The following PERM1 variants were observed in gnomAD, a reference collection of about 807,000 sequenced individuals.
PERM1 encodes PPARGC1 and ESRR induced regulator, muscle 1.
A neutral mutation model predicts 44.1 loss-of-function variants in PERM1; 45 were observed. The observed-to-expected ratio is 1.02, with a 90% confidence interval of 0.80 to 1.31. PERM1 has a LOEUF of 1.31. Among genes scored for constraint, PERM1 ranks in the 50% most tolerant of loss-of-function variants. The probability of loss-of-function intolerance (pLI) is 0.00; values close to 1 mark genes in which losing one functional copy is unlikely to be tolerated. For missense variants in PERM1, 1,189 were observed against 1,106.9 expected (o/e 1.07, Z -1.05); for synonymous variants, 565 against 477.1 (o/e 1.18, Z -2.40).
exon 1 of PERM1, chr1:979,864 G>T (rs1288295656): frequency 6.5e-7 from 1 of 1,549,094 alleles, no homozygotes; most frequent in Non-Finnish European, 8.7e-7. Context: ...CTTGGAGATG[G>T]GTGTAGACAG....
At chr1:976,225 G>A (rs1274958543) in exon 3 of PERM1, 35 of 1,538,388 alleles carry the variant, frequency 2.3e-5, no homozygotes, top group Non-Finnish European at 2.8e-5. Context: ...ACCTGCCGGC[G>A]GAAGTAGCGG....
Position 980,499 on chromosome 1 carries a change from T to A in PERM1, c.531A>T (p.Pro177=), listed in dbSNP as rs987713041. ...GCCTCTTCTTTCGGCTGGGGCTCCGTGGTGGGGCTCCAGGGCTATCGGGGG... is the reference window on the plus strand; with the variant it reads ...GCCTCTTCTTTCGGCTGGGGCTCCGAGGTGGGGCTCCAGGGCTATCGGGGG... Residue 177 remains proline (P), a synonymous_variant, in exon 1 of 3, where the codon CCA becomes CCT. Transcript: ENST00000433179. The A allele has an allele frequency of 7.3e-6, 11 of 1,500,428 alleles. No homozygotes were observed. In the African/African-American group the frequency reaches 1.3e-4, roughly 17 times the overall value. The allele number at this position is 1,500,428 out of a possible 1,614,324, so 92.9% of individuals were successfully genotyped here.
chr1:979,864 G>A, exon 1 of PERM1: 1 of 1,549,094 alleles, frequency 6.5e-7, no homozygotes, highest in Non-Finnish European at 8.7e-7. Flanking sequence ...CTTGGAGATG[G>A]GTGTAGACAG....
At chr1:976,938 G>A (rs1366857501) in intron 1 of PERM1, among the ~76,000 whole-genome samples, 2 of 2 alleles carry the variant, frequency 1, 1 homozygote, top group African/African-American at 1. Flanking sequence ...CACTCCCCCC[G>A]CCAACCCCGG....
exon 1 of PERM1, chr1:979,035 G>C (rs950072658): frequency 1.3e-6 from 2 of 1,538,956 alleles, no homozygotes; most frequent in African/African-American, 2.7e-5. Context: ...TGTCCTCCCC[G>C]AAGAAGAAGT....
exon 1 of PERM1, chr1:979,216 T>C: frequency 6.5e-7 from 1 of 1,550,110 alleles, no homozygotes; most frequent in Non-Finnish European, 8.7e-7. Flanking sequence ...TGCCGGATCC[T>C]GACCGGCCGC....
exon 1 of PERM1, chr1:980,673 G>A: frequency 7.0e-7 from 1 of 1,428,790 alleles, no homozygotes; most frequent in Non-Finnish European, 9.1e-7. Context: ...TGGGAGGGCT[G>A]GCGCCGGGGC....
At chr1:980,058 A>G (rs1160850952) in exon 1 of PERM1, 1 of 1,549,300 alleles carries the variant, frequency 6.5e-7, no homozygotes, top group East Asian at 2.5e-5. Context: ...TGTCCCTGTC[A>G]GATTGCGGCT....
chr1:980,759 C>T (rs1464306372), exon 1 of PERM1: 2 of 1,406,320 alleles, frequency 1.4e-6, no homozygotes, highest in Non-Finnish European at 1.8e-6. Flanking sequence ...AAGACAGGCT[C>T]ACCCTGAGAC....
At chr1:979,164 G>A (rs1007671288) in exon 1 of PERM1, 6 of 1,550,098 alleles carry the variant, frequency 3.9e-6, no homozygotes, top group Middle Eastern at 1.7e-4. Context: ...GGGCTCCAAC[G>A]TCTGGGAAGA....
At chr1:976,327 C>T in intron 2 of PERM1, 58 bp from the exon 4 acceptor site, 2 of 1,466,964 alleles carry the variant, frequency 1.4e-6, no homozygotes, top group Admixed American at 2.6e-5. Context: ...ACCGTCTGCC[C>T]GCAAGACCCA....
exon 3 of PERM1, chr1:976,054 C>T (rs1265725562): frequency 9.6e-7 from 1 of 1,041,498 alleles, no homozygotes; most frequent in African/African-American, 1.6e-5. Flanking sequence ...ACACGCCCCC[C>T]TCCTGGACGC....
chr1:976,221 C>T (rs1022569727), exon 3 of PERM1: 4 of 1,538,466 alleles, frequency 2.6e-6, no homozygotes, highest in Non-Finnish European at 2.6e-6. Context: ...CCCCACCTGC[C>T]GGCGGAAGTA....
In PERM1 at chr1:976,483, C is replaced by T. The variant is rs1197586941; in HGVS notation, c.2275+16G>A. On this transcript the variant is annotated intron_variant, in intron 2 of 2. Coordinates refer to ENST00000433179, the Ensembl canonical transcript of PERM1. Reference sequence around the variant, plus strand: ...GGCTTCTAGGCGCAGCTCCCTCTGCCCCCAGGCACCCAAACCTGTTTTCCA... The same window carrying T: ...GGCTTCTAGGCGCAGCTCCCTCTGCTCCCAGGCACCCAAACCTGTTTTCCA... The T allele has an allele frequency of 3.9e-6, 6 of 1,549,394 alleles. No individual in the cohort carries two copies. Among genetic ancestry groups the T allele is most frequent in the South Asian group, 1.2e-5 (1 of 84,070 alleles).
chr1:979,754 C>T, exon 1 of PERM1: 1 of 1,550,326 alleles, frequency 6.5e-7, no homozygotes, highest in Non-Finnish European at 8.7e-7. Context: ...GGAGATGAAG[C>T]CACCTCTAGC....
At chr1:979,359 C>T (rs1320467089) in exon 1 of PERM1, 20 of 1,509,580 alleles carry the variant, frequency 1.3e-5, no homozygotes, top group Non-Finnish European at 1.8e-5. Context: ...GAGGCAGGTG[C>T]TTGAGGATCC....
chr1:980,645 G>C (rs1214954914), exon 1 of PERM1: 2 of 1,439,600 alleles, frequency 1.4e-6, no homozygotes, highest in Non-Finnish European at 1.8e-6. Context: ...GCCGGACCAG[G>C]GCAGGATGAG....
upstream of PERM1, chr1:981,236 G>T: frequency 1.2e-5 from 18 of 1,492,692 alleles, no homozygotes; most frequent in Non-Finnish European, 1.6e-5. Context: ...TAGTGGTGAC[G>T]ATTTCCAAGT....
In PERM1 at chr1:976,088, C is replaced by T. The variant is rs1643591089; in HGVS notation, c.*84G>A. The T allele has an allele frequency of 1.1e-5, 15 of 1,358,094 alleles. No individual in the cohort carries two copies. In the Admixed American group the frequency reaches 3.7e-4, roughly 33 times the overall value. The allele number at this position is 1,358,094 out of a possible 1,614,324, so 84.1% of individuals were successfully genotyped here. ...GCGGTAGAAGAGAGGGGTCAGAGGG[C>T]CCGGGCGAGGGCGGCACCTCGTCCT... On this transcript the variant is annotated 3_prime_UTR_variant, in exon 3 of 3. Transcript: ENST00000433179.
Sources: allele counts gnomAD v4.1 joint callset (sites outside exome capture counted in the v4.1 genomes callset), GRCh38; gene constraint gnomAD v4.1.1; transcripts MANE v1.5; gene names NCBI Gene and HGNC (gene_info 2026-07-23, HGNC 2026-07-21).